Variants in SRSF11 observed in about 807,000 individuals in gnomAD.
The protein encoded by SRSF11 is serine and arginine rich splicing factor 11.
SRSF11 carries 9 observed loss-of-function variants against 56.0 expected under a neutral mutation model. That is an observed-to-expected ratio of 0.16 (90% CI 0.10 to 0.28). The LOEUF (loss-of-function observed/expected upper bound fraction) is 0.28, where lower values mean the gene tolerates loss of function less well. SRSF11 is among the 10% of genes least tolerant of loss of function. The probability of loss-of-function intolerance (pLI) is 1.00; values close to 1 mark genes in which losing one functional copy is unlikely to be tolerated. For synonymous variants in SRSF11, 222 were observed against 215.3 expected (o/e 1.03, Z -0.27); for missense variants, 421 against 600.7 (o/e 0.70, Z 3.13).
intron 9 of SRSF11, among the ~76,000 whole-genome samples, chr1:70,247,668 C>G (rs1156291976): frequency 6.6e-6 from 1 of 151,986 alleles, no homozygotes; most frequent in Non-Finnish European, 1.5e-5. Context: ...GATATGACTT[C>G]AAAAGCATAA....
intron 1 of SRSF11, among the ~76,000 whole-genome samples, chr1:70,206,581 C>G (rs1159990607): frequency 1.3e-5 from 2 of 152,012 alleles, no homozygotes; most frequent in East Asian, 3.9e-4. Flanking sequence ...GTGTACTATC[C>G]TGGGTGCTAG....
At chr1:70,231,340 A>G (rs1672806628) in intron 2 of SRSF11, 3 of 1,093,342 alleles carry the variant, frequency 2.7e-6, no homozygotes, top group Non-Finnish European at 2.2e-6. Flanking sequence ...ATCCATCTGT[A>G]TAGGGCTTTT....
intron 2 of SRSF11, 121 bp downstream of exon 2, chr1:70,228,676 A>G: frequency 7.3e-7 from 1 of 1,376,288 alleles, no homozygotes; most frequent in Non-Finnish European, 9.4e-7. Context: ...AACCCTTGTT[A>G]TACTGCAGTC....
chr1:70,212,876 T>C (rs887112084), intron 1 of SRSF11, among the ~76,000 whole-genome samples: 2 of 151,768 alleles, frequency 1.3e-5, no homozygotes, highest in African/African-American at 4.8e-5. Context: ...CATAGGGAGA[T>C]GCTGTCTGTA....
intron 7 of SRSF11, among the ~76,000 whole-genome samples, chr1:70,243,776 TGTG>T (rs1676097623): frequency 1.3e-5 from 2 of 152,194 alleles, no homozygotes; most frequent in Non-Finnish European, 2.9e-5. Context: ...ATGGGCCGGT[TGTG>T]GTGGTTAATG....
At chr1:70,222,326 A>G (rs1447420519) in intron 1 of SRSF11, among the ~76,000 whole-genome samples, 1 of 152,200 alleles carries the variant, frequency 6.6e-6, no homozygotes, top group East Asian at 1.9e-4. Flanking sequence ...CAAAGATCAT[A>G]TTCTTTTTGA....
chr1:70,226,484 G>A (rs1671812960), intron 1 of SRSF11, among the ~76,000 whole-genome samples: 1 of 151,966 alleles, frequency 6.6e-6, no homozygotes, highest in African/African-American at 2.4e-5. Flanking sequence ...TGAGCACGGG[G>A]GCAGTACTTT....
rs115034671 is a variant in SRSF11 at position 70,243,754 on chromosome 1, A to G, written c.801-930A>G. Among the ~76,000 whole-genome samples the G allele has an allele frequency of 4.3e-3, 650 of 152,300 alleles. 4 individuals carry two copies. Among genetic ancestry groups the G allele is most frequent in the African/African-American group, 0.013 (558 of 41,548 alleles). On this transcript the variant is annotated intron_variant, in intron 7 of 11. Transcript: ENST00000370949. The stretch of plus-strand genomic sequence containing the variant: ...GATTGCAACTTATTTTTAATTTTTA[A>G]AATAGAAGAGAATGGGCCGGTTGTG...
In SRSF11 at chr1:70,243,865, A is replaced by G. The variant is rs567083442; in HGVS notation, c.801-819A>G. 4.6e-5 allele frequency among the ~76,000 whole-genome samples: 7 copies of G among 152,300 alleles called. No homozygotes were observed. The South Asian group carries it at 1.5e-3, about 32-fold the overall frequency. ...GGAGTTCAAGACCATCCTGGGCAAC[A>G]TGGCAAAACCCCATCGCTTAAAAGA... On this transcript the variant is annotated intron_variant, in intron 7 of 11. Transcript: ENST00000370949.
chr1:70,207,660 A>T (rs1466238105), intron 1 of SRSF11, among the ~76,000 whole-genome samples: 1 of 151,788 alleles, frequency 6.6e-6, no homozygotes, highest in African/African-American at 2.4e-5. Flanking sequence ...TGGAGAATTG[A>T]ATTGCTCGAG....
At chr1:70,247,019 A>C (rs1676917463) in intron 9 of SRSF11, 112 bp downstream of exon 9, 1 of 1,134,238 alleles carries the variant, frequency 8.8e-7, no homozygotes, top group African/African-American at 1.6e-5. Flanking sequence ...TCAGTGTTGA[A>C]AAAAGTTACA....
rs568043421 is a variant in SRSF11 at position 70,225,402 on chromosome 1, G to A, written c.204-3020G>A. ...TACATAGTGAGAAGGGGGCACATGA[G>A]GTCAGCAGTCAAGTTTTCAGGTTAA... On this transcript the variant is annotated intron_variant, in intron 1 of 11. Coordinates refer to ENST00000370949, the MANE Select transcript of SRSF11 (RefSeq NM_001350605.2). 2.6e-5 allele frequency among the ~76,000 whole-genome samples: 4 copies of A among 152,294 alleles called. No homozygotes were observed. In the East Asian group the frequency reaches 7.7e-4, roughly 29 times the overall value.
At chr1:70,208,952 G>A (rs923301823) in intron 1 of SRSF11, among the ~76,000 whole-genome samples, 1 of 152,158 alleles carries the variant, frequency 6.6e-6, no homozygotes, top group African/African-American at 2.4e-5. Context: ...TGAAATGAAT[G>A]TCTCCTGTGT....
chr1:70,247,499 A>T (rs1201927323), intron 9 of SRSF11, among the ~76,000 whole-genome samples: 1 of 152,066 alleles, frequency 6.6e-6, no homozygotes, highest in African/African-American at 2.4e-5. Context: ...TGCTTGTTTT[A>T]TTCATCAACA....
chr1:70,210,117 C>T (rs1669426276), intron 1 of SRSF11, among the ~76,000 whole-genome samples: 3 of 151,866 alleles, frequency 2.0e-5, no homozygotes, highest in Admixed American at 2.0e-4. Flanking sequence ...ACAGCTTGCT[C>T]TAGGAGGTTT....
intron 1 of SRSF11, among the ~76,000 whole-genome samples, chr1:70,227,079 T>C (rs1671947515): frequency 6.6e-6 from 1 of 152,198 alleles, no homozygotes; most frequent in African/African-American, 2.4e-5. Flanking sequence ...TCAGAAGTTC[T>C]AATGGGTTTG....
intron 1 of SRSF11, among the ~76,000 whole-genome samples, chr1:70,215,994 C>T (rs1350397821): frequency 6.6e-6 from 1 of 152,190 alleles, no homozygotes; most frequent in Non-Finnish European, 1.5e-5. Context: ...CCGTATTGGT[C>T]AGGCTCATCT....
intron 1 of SRSF11, among the ~76,000 whole-genome samples, chr1:70,206,889 CTT>C (rs755835751): frequency 4.0e-4 from 47 of 118,966 alleles, no homozygotes; most frequent in East Asian, 2.2e-3. Flanking sequence ...GGATTTTTGT[CTT>C]TTTTTTTTTT....
At chr1:70,206,769 T>G (rs1267173455) in intron 1 of SRSF11, among the ~76,000 whole-genome samples, 2 of 152,180 alleles carry the variant, frequency 1.3e-5, no homozygotes, top group Non-Finnish European at 2.9e-5. Flanking sequence ...CCTGTAAAAT[T>G]CGGTTTTTAA....
Sources: gnomAD v4.1 joint callset for allele counts (sites outside exome capture counted in the v4.1 genomes callset) on GRCh38, gnomAD v4.1.1 for gene constraint, MANE v1.5 for transcripts, NCBI Gene and HGNC (gene_info 2026-07-23, HGNC 2026-07-21) for gene names.